Variants in COG5 observed in about 807,000 individuals in gnomAD.
COG5 encodes component of oligomeric golgi complex 5, also known as conserved oligomeric Golgi complex subunit 5.
A neutral mutation model predicts 110.4 loss-of-function variants in COG5; 86 were observed. The observed-to-expected ratio is 0.78, with a 90% CI of 0.65 to 0.93. The LOEUF is 0.93. Among genes scored for constraint, COG5 ranks in the 40% least tolerant of loss-of-function variants. The probability of loss-of-function intolerance (pLI) is 0.00; values close to 1 mark genes in which losing one functional copy is unlikely to be tolerated. For synonymous variants in COG5, 360 were observed against 334.6 expected (o/e 1.08, Z -0.83); for missense variants, 1,077 against 987.0 (o/e 1.09, Z -1.22).
At chr7:107,506,857 C>T (rs1045534737) in intron 6 of COG5, among the ~76,000 whole-genome samples, 7 of 152,170 alleles carry the variant, frequency 4.6e-5, no homozygotes, top group African/African-American at 2.4e-5. Flanking sequence ...CTTCCTCATT[C>T]GAGGTTATCA....
intron 6 of COG5, among the ~76,000 whole-genome samples, chr7:107,507,407 C>G (rs1276213366): frequency 6.6e-6 from 1 of 150,872 alleles, no homozygotes; most frequent in Non-Finnish European, 1.5e-5. Flanking sequence ...CATTCTCCTG[C>G]CTCAGCCTCC....
chr7:107,448,471 C>T (rs868081351), intron 6 of COG5, among the ~76,000 whole-genome samples: 1 of 152,092 alleles, frequency 6.6e-6, no homozygotes, highest in South Asian at 2.1e-4. Flanking sequence ...CATACCATCC[C>T]ACCTCTCTAG....
chr7:107,246,018 C>A (rs958307368), intron 17 of COG5, among the ~76,000 whole-genome samples: 1 of 152,118 alleles, frequency 6.6e-6, no homozygotes. Flanking sequence ...AAAACAGGCA[C>A]ATAGACCAAT....
intron 6 of COG5, among the ~76,000 whole-genome samples, chr7:107,420,873 T>G (rs1398421149): frequency 6.6e-6 from 1 of 152,242 alleles, no homozygotes; most frequent in African/African-American, 2.4e-5. Flanking sequence ...ATTTCAAGTC[T>G]AAGGCACTTC....
intron 5 of COG5, among the ~76,000 whole-genome samples, chr7:107,532,006 G>A (rs571710295): frequency 6.6e-6 from 1 of 152,082 alleles, no homozygotes; most frequent in Non-Finnish European, 1.5e-5. Context: ...CCCAGACCTG[G>A]AATCAAAGAT....
intron 21 of COG5, chr7:107,208,757 C>A: frequency 1.0e-6 from 1 of 985,466 alleles, no homozygotes; most frequent in Non-Finnish European, 1.2e-6. Context: ...TTTATCCACA[C>A]ATACGCCCAG....
chr7:107,215,931 G>A (rs182322217), intron 19 of COG5, among the ~76,000 whole-genome samples: 77 of 151,904 alleles, frequency 5.1e-4, no homozygotes, highest in Middle Eastern at 3.4e-3. Context: ...GGATGGTCTC[G>A]ATCTCCTGAC....
intron 1 of COG5, among the ~76,000 whole-genome samples, chr7:107,561,208 C>T (rs1463093881): frequency 2.6e-5 from 4 of 152,182 alleles, no homozygotes; most frequent in Admixed American, 6.5e-5. Context: ...TCCTCATTCC[C>T]ATAGAGGGCA....
intron 12 of COG5, among the ~76,000 whole-genome samples, chr7:107,295,315 C>T (rs541753001): frequency 6.6e-6 from 1 of 151,288 alleles, no homozygotes; most frequent in Non-Finnish European, 1.5e-5. Flanking sequence ...ATGGTTGATT[C>T]TTCCACACTA....
chr7:107,428,634 T>C (rs1281512244), intron 6 of COG5, among the ~76,000 whole-genome samples: 1 of 152,210 alleles, frequency 6.6e-6, no homozygotes, highest in African/African-American at 2.4e-5. Context: ...TTTAAGGCAC[T>C]CAGTTTGAGT....
chr7:107,319,165 A>C (rs1026126886), intron 11 of COG5, among the ~76,000 whole-genome samples: 4 of 150,680 alleles, frequency 2.7e-5, no homozygotes, highest in Non-Finnish European at 4.4e-5. Flanking sequence ...TCATATGTGG[A>C]GGTTCCATTT....
At chr7:107,413,817 G>A (rs1412585686) in intron 6 of COG5, among the ~76,000 whole-genome samples, 1 of 152,156 alleles carries the variant, frequency 6.6e-6, no homozygotes, top group African/African-American at 2.4e-5. Context: ...CGCAAAGTGT[G>A]TATTACTTTA....
chr7:107,319,012 A>G (rs1427984184), intron 11 of COG5, among the ~76,000 whole-genome samples: 1 of 152,044 alleles, frequency 6.6e-6, no homozygotes, highest in Non-Finnish European at 1.5e-5. Context: ...ATGGGTCCTA[A>G]GACTCTAATA....
At chr7:107,554,480 G>C in intron 2 of COG5, 138 bp from the exon 3 acceptor site, 1 of 747,276 alleles carries the variant, frequency 1.3e-6, no homozygotes, top group African/African-American at 1.7e-5. Context: ...AGGTTTTTAA[G>C]GTGTGTCTGA....
chr7:107,501,802 C>A (rs1391031917), intron 6 of COG5, among the ~76,000 whole-genome samples: 1 of 152,000 alleles, frequency 6.6e-6, no homozygotes, highest in Non-Finnish European at 1.5e-5. Flanking sequence ...GTGGCTGAAC[C>A]CAGTCACATA....
At chr7:107,302,957 T>C (rs1174332309) in intron 11 of COG5, among the ~76,000 whole-genome samples, 11 of 152,256 alleles carry the variant, frequency 7.2e-5, no homozygotes, top group Non-Finnish European at 1.3e-4. Flanking sequence ...GTTTGAAGTA[T>C]GTTTCTCCTA....
chr7:107,389,675 G>T (rs988567290), intron 7 of COG5, among the ~76,000 whole-genome samples: 1 of 152,102 alleles, frequency 6.6e-6, no homozygotes, highest in African/African-American at 2.4e-5. Context: ...CATTTGCAGG[G>T]CAGCCTTACT....
At chr7:107,390,816 G>A (rs73187361) in intron 7 of COG5, among the ~76,000 whole-genome samples, 4,996 of 150,122 alleles carry the variant, frequency 0.033, 125 homozygotes, top group Non-Finnish European at 0.053. Flanking sequence ...ATATATCTGC[G>A]CTCTCCAATC....
intron 6 of COG5, among the ~76,000 whole-genome samples, chr7:107,511,187 A>T (rs889044487): frequency 6.6e-6 from 1 of 152,178 alleles, no homozygotes; most frequent in East Asian, 1.9e-4. Flanking sequence ...AATCAAATAG[A>T]TGCAATAAAA....
Sources: allele counts gnomAD v4.1 joint callset (sites outside exome capture counted in the v4.1 genomes callset), GRCh38; gene constraint gnomAD v4.1.1; transcripts MANE v1.5; gene names NCBI Gene and HGNC (gene_info 2026-07-23, HGNC 2026-07-21).